The following LRP5 variants were observed in gnomAD, a reference collection of about 807,000 sequenced individuals.
LRP5 encodes low-density lipoprotein receptor-related protein 5.
A neutral mutation model predicts 154.1 loss-of-function variants in LRP5; 62 were observed. The observed-to-expected ratio is 0.40, with a 90% confidence interval of 0.33 to 0.50. The LOEUF (loss-of-function observed/expected upper bound fraction) is 0.50. Ranked by LOEUF, LRP5 falls within the 20% of genes least tolerant of loss-of-function variation. LRP5 has a pLI of 0.55. For missense variants in LRP5, 1,915 were observed against 2,336.7 expected, an observed-to-expected ratio of 0.82 and a Z score of 3.72; for synonymous variants, 966 against 1,011.5, an observed-to-expected ratio of 0.96 and a Z score of 0.85.
chr11:68,336,569 A>G (rs1203330319), intron 1 of LRP5, among the ~76,000 whole-genome samples: 1 of 152,110 alleles, frequency 6.6e-6, no homozygotes, highest in African/African-American at 2.4e-5. Flanking sequence ...CCCGGTTTCA[A>G]GCTATTTTCC....
chr11:68,356,337 AGGTGGGATTTTGCCATGTTGCCCAG>A (rs796454342), intron 2 of LRP5, among the ~76,000 whole-genome samples: 147 of 151,812 alleles, frequency 9.7e-4, no homozygotes, highest in African/African-American at 3.3e-3. Context: ...TTTTTTGTAG[AGGTGGGATTTTGCCATGTTGCCCAG>A]GGTGGCTCAA....
chr11:68,380,113 AT>A (rs1565359725), intron 5 of LRP5, among the ~76,000 whole-genome samples: 1 of 152,196 alleles, frequency 6.6e-6, no homozygotes, highest in Non-Finnish European at 1.5e-5. Context: ...AGCCTGGGCA[AT>A]AAGAGTGAAG....
chr11:68,375,454 C>G (rs1430714530), intron 5 of LRP5, among the ~76,000 whole-genome samples: 1 of 152,206 alleles, frequency 6.6e-6, no homozygotes, highest in African/African-American at 2.4e-5. Context: ...TGCCCCTGCT[C>G]GTGCTGTGCC....
In LRP5 at chr11:68,357,534, G is replaced by A. The variant is rs555965219; in HGVS notation, c.489-116G>A. ...GAAACCATACCTGTTGGTTATTTCC[G>A]ATGGGTGAGATTTTAGGGCAAGTTC... On this transcript the variant is annotated intron_variant, in intron 2 of 22. Transcript: ENST00000294304. The A allele has an allele frequency of 4.0e-5, 38 of 954,162 alleles. No individual in the cohort carries two copies. The Admixed American group carries it at 4.4e-4, about 11-fold the overall frequency. The allele number at this position is 954,162 out of a possible 1,614,324, so 59.1% of individuals were successfully genotyped here. A position where few individuals can be genotyped will look rare whatever the true frequency, so the allele number is the denominator to read the frequency against.
intron 5 of LRP5, among the ~76,000 whole-genome samples, chr11:68,379,032 C>T (rs979683274): frequency 1.3e-5 from 2 of 150,800 alleles, no homozygotes; most frequent in South Asian, 2.1e-4. Flanking sequence ...GGCAACAGAG[C>T]GAGACTCTGT....
At chr11:68,438,757 G>A (rs2098676499) in intron 20 of LRP5, 75 bp downstream of exon 20, 5 of 1,336,782 alleles carry the variant, frequency 3.7e-6, no homozygotes, top group Non-Finnish European at 5.3e-6. Flanking sequence ...AGTGGAGCAG[G>A]GATGTGCTAC....
chr11:68,350,891 CGTGTGTGT>C (rs140197409), intron 2 of LRP5, among the ~76,000 whole-genome samples: 4 of 150,772 alleles, frequency 2.7e-5, no homozygotes, highest in African/African-American at 9.7e-5. Flanking sequence ...AGGATGTGAG[CGTGTGTGT>C]GTGTGTGTGC....
At chr11:68,311,582 T>C (rs1464717810), upstream of LRP5, among the ~76,000 whole-genome samples, 2 of 152,202 alleles carry the variant, frequency 1.3e-5, no homozygotes, top group African/African-American at 4.8e-5. Flanking sequence ...TTGTTGGTCT[T>C]CCTAGAATAT....
intron 1 of LRP5, among the ~76,000 whole-genome samples, chr11:68,324,965 G>A (rs2098598821): frequency 6.6e-6 from 1 of 152,212 alleles, no homozygotes; most frequent in Non-Finnish European, 1.5e-5. Context: ...GGTTGAGGGA[G>A]CCCTGCTCAG....
intron 3 of LRP5, among the ~76,000 whole-genome samples, chr11:68,359,844 C>T (rs111706748): frequency 6.7e-6 from 1 of 150,020 alleles, no homozygotes; most frequent in African/African-American, 2.5e-5. Flanking sequence ...TGGAGTGCAG[C>T]GGCACCATCT....
intron 5 of LRP5, among the ~76,000 whole-genome samples, chr11:68,372,498 GGGACTTGGAGC>G (rs2098634766): frequency 6.6e-6 from 1 of 152,194 alleles, no homozygotes; most frequent in Non-Finnish European, 1.5e-5. Flanking sequence ...AGGCAGACCG[GGGACTTGGAGC>G]ACCTAGTTCC....
chr11:68,331,319 A>G (rs1416130957), intron 1 of LRP5, among the ~76,000 whole-genome samples: 1 of 152,202 alleles, frequency 6.6e-6, no homozygotes, highest in African/African-American at 2.4e-5. Context: ...TGACCTAGCA[A>G]GTCCTTTGCT....
At chr11:68,381,277 G>C (rs530006330) in intron 5 of LRP5, among the ~76,000 whole-genome samples, 3 of 152,122 alleles carry the variant, frequency 2.0e-5, no homozygotes, top group East Asian at 3.9e-4. Flanking sequence ...TAGGGTGTGT[G>C]GGGGGGTGCA....
chr11:68,336,288 C>A (rs752449449), intron 1 of LRP5, among the ~76,000 whole-genome samples: 1 of 152,146 alleles, frequency 6.6e-6, no homozygotes, highest in African/African-American at 2.4e-5. Context: ...GAGGGGTGCT[C>A]ACTGTCCAAA....
At chr11:68,328,671 G>T (rs531020361) in intron 1 of LRP5, among the ~76,000 whole-genome samples, 5 of 152,214 alleles carry the variant, frequency 3.3e-5, no homozygotes, top group Non-Finnish European at 7.3e-5. Context: ...CAGGGGCACC[G>T]CAGTCTGCAC....
At chr11:68,360,253 G>A (rs532809188) in intron 3 of LRP5, among the ~76,000 whole-genome samples, 1 of 152,298 alleles carries the variant, frequency 6.6e-6, no homozygotes, top group African/African-American at 2.4e-5. Flanking sequence ...CTGAGCTTAA[G>A]CCATGTGTCC....
chr11:68,313,189 C>G (rs1385045915), intron 1 of LRP5, among the ~76,000 whole-genome samples: 5 of 149,496 alleles, frequency 3.3e-5, no homozygotes, highest in Non-Finnish European at 7.4e-5. Flanking sequence ...GGGCCTGGCC[C>G]GGGGAGCCGG....
intron 17 of LRP5, among the ~76,000 whole-genome samples, chr11:68,430,339 A>C (rs1403166193): frequency 6.6e-6 from 1 of 152,032 alleles, no homozygotes; most frequent in African/African-American, 2.4e-5. Flanking sequence ...ATACCCAGCT[A>C]ATTTTTGTAT....
intron 1 of LRP5, among the ~76,000 whole-genome samples, chr11:68,317,653 G>C (rs991753636): frequency 2.0e-5 from 3 of 152,242 alleles, no homozygotes; most frequent in African/African-American, 7.2e-5. Context: ...TGAGGTCCCT[G>C]CCCATTCCCC....
Sources: gnomAD v4.1 joint callset for allele counts (sites outside exome capture counted in the v4.1 genomes callset) on GRCh38, gnomAD v4.1.1 for gene constraint, MANE v1.5 for transcripts, NCBI Gene and HGNC (gene_info 2026-07-23, HGNC 2026-07-21) for gene names.